ITGBL1: variants seen among roughly 807,000 people sequenced by gnomAD.
ITGBL1 encodes the protein integrin subunit beta like 1.
Under a neutral mutation model 68.5 loss-of-function variants are expected in ITGBL1, and 51 were observed. The ratio of observed to expected loss-of-function variants is 0.74; its 90% CI spans 0.59 to 0.94. ITGBL1 has a LOEUF of 0.94. Among genes scored for constraint, ITGBL1 ranks in the 40% least tolerant of loss-of-function variants. The pLI is 0.00. For synonymous variants in ITGBL1, 209 were observed against 227.3 expected (o/e 0.92, Z 0.72); for missense variants, 649 against 647.4 (o/e 1.00, Z -0.03).
intron 2 of ITGBL1, among the ~76,000 whole-genome samples, chr13:101,544,715 C>T (rs2049785594): frequency 6.6e-6 from 1 of 152,198 alleles, no homozygotes; most frequent in African/African-American, 2.4e-5. Context: ...GTTCAAGCTT[C>T]CTGGCCGCTT....
chr13:101,601,316 T>G lies in ITGBL1; in HGVS notation c.1015+3017T>G, dbSNP rs187553843. Among the ~76,000 whole-genome samples, 488 of 152,300 alleles carry G rather than the reference T, an allele frequency of 3.2e-3. 25 individuals carry two copies. The East Asian group carries it at 0.079, about 25-fold the overall frequency. ...TCATTTTTTATTGAGTCTATTTGAT[T>G]CTTCTCTCTTTTCTTCTTTATTAGT... is the stretch of plus-strand genomic sequence containing the variant. On this transcript the variant is annotated intron_variant, in intron 7 of 10. Transcript: ENST00000376180.
At chr13:101,639,995 A>G (rs2139427562) in intron 7 of ITGBL1, among the ~76,000 whole-genome samples, 1 of 152,300 alleles carries the variant, frequency 6.6e-6, no homozygotes, top group Middle Eastern at 3.4e-3. Flanking sequence ...ATGTGGACCC[A>G]TCATTCTGTC....
intron 7 of ITGBL1, among the ~76,000 whole-genome samples, chr13:101,599,059 A>G (rs964172950): frequency 2.0e-5 from 3 of 152,208 alleles, no homozygotes; most frequent in Non-Finnish European, 2.9e-5. Flanking sequence ...CCAACAGTGT[A>G]AAAGTGTTCC....
chr13:101,706,111 A>T (rs1054938219), intron 8 of ITGBL1, among the ~76,000 whole-genome samples: 1 of 152,210 alleles, frequency 6.6e-6, no homozygotes, highest in African/African-American at 2.4e-5. Context: ...ACAATGTTAC[A>T]TATATACCAA....
chr13:101,630,393 T>G (rs2031937567), intron 7 of ITGBL1, among the ~76,000 whole-genome samples: 2 of 152,320 alleles, frequency 1.3e-5, no homozygotes, highest in Non-Finnish European at 2.9e-5. Flanking sequence ...AATCTGATCC[T>G]TTGTAGGTGG....
At chr13:101,528,170 G>A (rs2049412211) in intron 2 of ITGBL1, among the ~76,000 whole-genome samples, 3 of 151,094 alleles carry the variant, frequency 2.0e-5, no homozygotes, top group Admixed American at 2.0e-4. Flanking sequence ...ATATTTAATG[G>A]TTTATTAATA....
At chr13:101,631,249 T>A (rs1007677046) in intron 7 of ITGBL1, among the ~76,000 whole-genome samples, 1 of 152,186 alleles carries the variant, frequency 6.6e-6, no homozygotes, top group African/African-American at 2.4e-5. Flanking sequence ...AGTAAATATC[T>A]TGGGGAATTC....
intron 7 of ITGBL1, among the ~76,000 whole-genome samples, chr13:101,604,451 TTAAAAC>T (rs1190262649): frequency 1.3e-5 from 2 of 151,842 alleles, no homozygotes; most frequent in Non-Finnish European, 2.9e-5. Flanking sequence ...TTGAAGTACT[TTAAAAC>T]TAAATAAGCT....
chr13:101,558,716 A>G (rs912979097), intron 2 of ITGBL1, among the ~76,000 whole-genome samples: 1 of 152,208 alleles, frequency 6.6e-6, no homozygotes, highest in Non-Finnish European at 1.5e-5. Flanking sequence ...TTAAAGGGAC[A>G]TGCCTTGCCT....
intron 8 of ITGBL1, among the ~76,000 whole-genome samples, chr13:101,695,998 C>T (rs1008434694): frequency 1.6e-4 from 24 of 152,154 alleles, no homozygotes; most frequent in South Asian, 6.2e-4. Context: ...ACGGAATCAT[C>T]GGGAAAGATT....
At chr13:101,557,219 A>G (rs1594888869) in intron 2 of ITGBL1, among the ~76,000 whole-genome samples, 1 of 152,370 alleles carries the variant, frequency 6.6e-6, no homozygotes, top group East Asian at 1.9e-4. Context: ...AAAGATGCAC[A>G]TTCAAGATTT....
intron 7 of ITGBL1, among the ~76,000 whole-genome samples, chr13:101,605,508 G>A (rs1182170335): frequency 5.3e-4 from 73 of 136,892 alleles, no homozygotes; most frequent in South Asian, 1.9e-3. Flanking sequence ...ATGTATATGC[G>A]TATACACATA....
intron 2 of ITGBL1, among the ~76,000 whole-genome samples, chr13:101,557,799 C>T (rs1174852582): frequency 6.6e-6 from 1 of 151,894 alleles, no homozygotes; most frequent in Admixed American, 6.6e-5. Flanking sequence ...AAATAAAATG[C>T]CTCATGAGGG....
At chr13:101,544,485 A>G (rs2049779163) in intron 2 of ITGBL1, among the ~76,000 whole-genome samples, 1 of 152,094 alleles carries the variant, frequency 6.6e-6, no homozygotes, top group Non-Finnish European at 1.5e-5. Flanking sequence ...CCTCCCAGCT[A>G]GGCTCCTCGG....
intron 7 of ITGBL1, among the ~76,000 whole-genome samples, chr13:101,679,994 A>T (rs2033603972): frequency 6.6e-6 from 1 of 152,174 alleles, no homozygotes; most frequent in South Asian, 2.1e-4. Flanking sequence ...ATCGACATTT[A>T]TCTGTATTTT....
At chr13:101,694,343 T>C (rs1323516130) in intron 8 of ITGBL1, among the ~76,000 whole-genome samples, 2 of 152,212 alleles carry the variant, frequency 1.3e-5, no homozygotes, top group South Asian at 2.1e-4. Context: ...TATTCATGTA[T>C]AAAAAGCTTG....
chr13:101,646,302 T>G (rs942542085), intron 7 of ITGBL1, among the ~76,000 whole-genome samples: 1 of 149,838 alleles, frequency 6.7e-6, no homozygotes, highest in Non-Finnish European at 1.5e-5. Flanking sequence ...TATTTTACCT[T>G]GTTGTATTTC....
chr13:101,588,330 T>G (rs564872555), intron 6 of ITGBL1, among the ~76,000 whole-genome samples: 1 of 151,294 alleles, frequency 6.6e-6, no homozygotes, highest in Admixed American at 6.6e-5. Context: ...TGTGTGTACA[T>G]ACAGAGAGAT....
chr13:101,605,656 A>C (rs1233908974), intron 7 of ITGBL1, among the ~76,000 whole-genome samples: 2 of 151,632 alleles, frequency 1.3e-5, no homozygotes, highest in Non-Finnish European at 3.0e-5. Flanking sequence ...ATGCGTATGC[A>C]CGTATGTAGA....
Sources: gnomAD v4.1 joint callset for allele counts (sites outside exome capture counted in the v4.1 genomes callset) on GRCh38, gnomAD v4.1.1 for gene constraint, MANE v1.5 for transcripts, NCBI Gene and HGNC (gene_info 2026-07-23, HGNC 2026-07-21) for gene names.